AMBRA1: variants seen among roughly 807,000 people sequenced by gnomAD.
AMBRA1 encodes autophagy and beclin 1 regulator 1.
Under a neutral mutation model 125.4 loss-of-function variants are expected in AMBRA1, and 47 were observed. That is an observed-to-expected ratio of 0.37 (90% CI 0.30 to 0.48). The LOEUF is 0.48. Among genes scored for constraint, AMBRA1 ranks in the 20% least tolerant of loss-of-function variants. AMBRA1 has a pLI of 0.99. For missense variants in AMBRA1, 1,331 were observed against 1,693.4 expected (o/e 0.79, Z 3.76); for synonymous variants, 626 against 655.5 (o/e 0.95, Z 0.69).
chr11:46,401,066 G>A (rs951051615), intron 17 of AMBRA1, among the ~76,000 whole-genome samples: 5 of 152,142 alleles, frequency 3.3e-5, no homozygotes, highest in African/African-American at 7.2e-5. Flanking sequence ...ATTCTACCCT[G>A]GGAGCCAAGG....
At position 46,428,883 on chromosome 11, in the gene AMBRA1, C is replaced by T. The variant is rs7942614; in HGVS notation, c.2976+4591G>A. Reference sequence around the variant, plus strand: ...CGGCTACGGCGTAGGATGGCAGGCACAATCTCTGGGGGCAGATGAAGGTAA... The same window carrying T: ...CGGCTACGGCGTAGGATGGCAGGCATAATCTCTGGGGGCAGATGAAGGTAA... On this transcript the variant is annotated intron_variant, in intron 14 of 17. Coordinates refer to ENST00000683756, the MANE Select transcript of AMBRA1 (RefSeq NM_001387011.1). The T allele has an allele frequency of 7.0e-3, 11,285 of 1,611,690 alleles. 698 individuals carry two copies. In the African/African-American group the frequency reaches 0.13, roughly 19 times the overall value.
chr11:46,500,864 C>T (rs1950810918), intron 9 of AMBRA1, among the ~76,000 whole-genome samples: 1 of 152,200 alleles, frequency 6.6e-6, no homozygotes, highest in African/African-American at 2.4e-5. Context: ...CAATGCTCTC[C>T]TAGTATTTTA....
Position 46,476,427 on chromosome 11 carries a change from T to C in AMBRA1, c.2521+17181A>G, listed in dbSNP as rs550444344. On this transcript the variant is annotated intron_variant, in intron 11 of 17. Transcript: ENST00000683756. ...TGGTTAGATAATAGTGGTGGGGAGA[T>C]ACGTAAAGAGTCCCAAGCCAACCCG... 3.3e-5 allele frequency among the ~76,000 whole-genome samples: 5 copies of C among 152,174 alleles called. No homozygotes were observed. In the East Asian group the frequency reaches 9.6e-4, roughly 29 times the overall value.
chr11:46,405,139 A>G (rs921924933), intron 17 of AMBRA1, among the ~76,000 whole-genome samples: 1 of 152,202 alleles, frequency 6.6e-6, no homozygotes, highest in Non-Finnish European at 1.5e-5. Flanking sequence ...ACATGTCTCC[A>G]GGAATGCTTC....
At chr11:46,460,078 G>A (rs985313719) in intron 11 of AMBRA1, among the ~76,000 whole-genome samples, 10 of 152,192 alleles carry the variant, frequency 6.6e-5, no homozygotes, top group South Asian at 2.1e-4. Flanking sequence ...TCATCTCTGT[G>A]TAAACATCTT....
At chr11:46,470,656 G>C (rs1949550903) in intron 11 of AMBRA1, among the ~76,000 whole-genome samples, 2 of 150,376 alleles carry the variant, frequency 1.3e-5, no homozygotes. Context: ...TAGCTACTCA[G>C]AAGGCTAAAG....
Position 46,543,008 on chromosome 11 carries a change from T to C in AMBRA1, c.1009A>G (p.Thr337Ala). Residue 337 changes from threonine to alanine, a missense_variant, in exon 7 of 18, where the codon ACT becomes GCT. Thr to Ala is a moderately conservative substitution (Grantham distance 58). Coordinates refer to ENST00000683756, the MANE Select transcript of AMBRA1 (RefSeq NM_001387011.1). ...TGTACAAAAGAAAAGGAAGGGGTAGTAGCTCTGGCAGAAGCAGGGGGGACA... is the reference window on the plus strand; with the variant it reads ...TGTACAAAAGAAAAGGAAGGGGTAGCAGCTCTGGCAGAAGCAGGGGGGACA... ...DSVPPASARA[T>A]TPSFSFVQTE... 1 of 1,600,090 alleles carries C rather than the reference T, an allele frequency of 6.2e-7. No individual in the cohort carries two copies. The highest frequency in any genetic ancestry group is 8.5e-7 in the Non-Finnish European group (1 of 1,179,858).
intron 11 of AMBRA1, among the ~76,000 whole-genome samples, chr11:46,455,984 C>G (rs1948829816): frequency 6.6e-6 from 1 of 152,138 alleles, no homozygotes; most frequent in Non-Finnish European, 1.5e-5. Flanking sequence ...GACTTGCCCT[C>G]CCTCCTTCAA....
chr11:46,578,882 CAAAAAAAAAA>C (rs71042607), intron 1 of AMBRA1, among the ~76,000 whole-genome samples: 1 of 24,454 alleles, frequency 4.1e-5, no homozygotes, highest in Admixed American at 8.0e-4. Flanking sequence ...GACTCAGTCT[CAAAAAAAAAA>C]AAAAAAAAAA....
intron 1 of AMBRA1, among the ~76,000 whole-genome samples, chr11:46,552,968 CAG>C (rs1461846129): frequency 6.6e-6 from 1 of 151,508 alleles, no homozygotes; most frequent in Non-Finnish European, 1.5e-5. Context: ...TTTTTTGAGA[CAG>C]AGTCTCGCTC....
At chr11:46,486,446 C>T (rs1363678243) in intron 11 of AMBRA1, among the ~76,000 whole-genome samples, 4 of 152,154 alleles carry the variant, frequency 2.6e-5, no homozygotes, top group Non-Finnish European at 5.9e-5. Flanking sequence ...GACAGCTATG[C>T]TATCAGATGG....
chr11:46,483,217 T>G (rs1396128277), intron 11 of AMBRA1, among the ~76,000 whole-genome samples: 1 of 151,780 alleles, frequency 6.6e-6, no homozygotes, highest in Non-Finnish European at 1.5e-5. Flanking sequence ...ACAGGGTGAG[T>G]ATGTGGTTAC....
At chr11:46,468,684 C>A (rs1354735966) in intron 11 of AMBRA1, among the ~76,000 whole-genome samples, 1 of 150,762 alleles carries the variant, frequency 6.6e-6, no homozygotes, top group South Asian at 2.1e-4. Flanking sequence ...TGGTGGCGGG[C>A]GCCTGTAGTC....
intron 9 of AMBRA1, among the ~76,000 whole-genome samples, chr11:46,503,836 G>A (rs954346551): frequency 6.6e-6 from 1 of 152,172 alleles, no homozygotes; most frequent in Non-Finnish European, 1.5e-5. Flanking sequence ...TCAAAATTGT[G>A]AATAAGAGAC....
At chr11:46,457,773 A>C (rs1293770882) in intron 11 of AMBRA1, among the ~76,000 whole-genome samples, 1 of 152,040 alleles carries the variant, frequency 6.6e-6, no homozygotes, top group Non-Finnish European at 1.5e-5. Flanking sequence ...GTGGTGGTGC[A>C]TGTCTATAAT....
In AMBRA1 at chr11:46,410,414, G is replaced by A. The variant is rs180716764; in HGVS notation, c.3117-46C>T. 8,098 of 1,525,426 alleles carry A rather than the reference G, an allele frequency of 5.3e-3. 31 individuals carry two copies. The highest frequency in any genetic ancestry group is 5.7e-3 in the Non-Finnish European group (6,230 of 1,099,524). 94.5% of individuals were successfully genotyped at this position (1,525,426 alleles called of 1,614,324 possible). On this transcript the variant is annotated intron_variant, in intron 15 of 17. Transcript: ENST00000683756. ...GTAAAGAAGAAGGTGAAAGGCATTA[G>A]AGAGGGAAGGATAAGAGCTCCTGAA...
Position 46,408,724 on chromosome 11 carries a change from G to A in AMBRA1, c.3210-18C>T. ...TGCTGGTTCTAGGGAGAGAAAGGCA[G>A]ACTAAAGTCAGATGGGGCTTGGGAC... On this transcript the variant is annotated intron_variant, in intron 16 of 17. Coordinates refer to ENST00000683756, the MANE Select transcript of AMBRA1 (RefSeq NM_001387011.1). 1 of 1,505,896 alleles carries A rather than the reference G, an allele frequency of 6.6e-7. No homozygotes were observed. Among genetic ancestry groups the A allele is most frequent in the Non-Finnish European group, 8.9e-7 (1 of 1,121,342 alleles). 93.3% of individuals were successfully genotyped at this position (1,505,896 alleles called of 1,614,324 possible).
intron 12 of AMBRA1, among the ~76,000 whole-genome samples, chr11:46,436,442 C>T (rs936335560): frequency 1.3e-5 from 2 of 152,256 alleles, no homozygotes; most frequent in Middle Eastern, 3.4e-3. Flanking sequence ...CACATAAAAC[C>T]GAAGAGGGAC....
At chr11:46,424,786 G>C (rs1947033855) in intron 14 of AMBRA1, among the ~76,000 whole-genome samples, 1 of 152,054 alleles carries the variant, frequency 6.6e-6, no homozygotes, top group Non-Finnish European at 1.5e-5. Context: ...TTTACAGTGG[G>C]CTATGATAGT....
Sources: allele counts gnomAD v4.1 joint callset (sites outside exome capture counted in the v4.1 genomes callset), GRCh38; gene constraint gnomAD v4.1.1; transcripts MANE v1.5; gene names NCBI Gene and HGNC (gene_info 2026-07-23, HGNC 2026-07-21).